KCNB2: variants seen among roughly 807,000 people sequenced by gnomAD.
KCNB2 encodes the protein delayed rectifier potassium channel protein.
Under a neutral mutation model 61.5 loss-of-function variants are expected in KCNB2, and 15 were observed. The observed-to-expected ratio is 0.24, with a 90% confidence interval of 0.16 to 0.38. The LOEUF is 0.38. Ranked by LOEUF, KCNB2 falls within the 10% of genes least tolerant of loss-of-function variation. The pLI, the probability that KCNB2 is intolerant of heterozygous loss-of-function variation, is 1.00. For missense variants in KCNB2, 828 were observed against 1,125.2 expected (o/e 0.74, Z 3.78); for synonymous variants, 457 against 446.0 (o/e 1.02, Z -0.31).
At chr8:72,679,005 T>C in intron 2 of KCNB2, among the ~76,000 whole-genome samples, 1 of 152,116 alleles carries the variant, frequency 6.6e-6, no homozygotes, top group South Asian at 2.1e-4. Flanking sequence ...TCTAGATGAG[T>C]GCCCATCACA....
chr8:72,728,943 CAA>C lies in KCNB2; in HGVS notation c.579+160631_579+160632del, dbSNP rs1226243086. Among the ~76,000 whole-genome samples, 60 of 152,292 alleles carry C rather than the reference CAA, an allele frequency of 3.9e-4. 1 individual carries two copies. The highest frequency in any genetic ancestry group is 3.3e-3 in the Admixed American group (51 of 15,298). On this transcript the variant is annotated intron_variant, in intron 2 of 2. Transcript: ENST00000523207. ...AACTTTAGTGTTAGGAAACTATAAACAAGAGTACAACGTTAAAGACTGGGTTT... is the reference window on the plus strand; with the variant it reads ...AACTTTAGTGTTAGGAAACTATAAACGAGTACAACGTTAAAGACTGGGTTT...
At chr8:72,550,646 T>C (rs1021652218) in intron 1 of KCNB2, among the ~76,000 whole-genome samples, 13 of 152,222 alleles carry the variant, frequency 8.5e-5, no homozygotes, top group African/African-American at 3.1e-4. Context: ...GTCACCTAGT[T>C]ATTTTTTGCA....
At chr8:72,556,685 T>C (rs1307926301) in intron 1 of KCNB2, among the ~76,000 whole-genome samples, 1 of 152,138 alleles carries the variant, frequency 6.6e-6, no homozygotes, top group African/African-American at 2.4e-5. Flanking sequence ...TTTTCATGCT[T>C]GAATCTAGAA....
chr8:72,617,011 G>A (rs747674542), intron 2 of KCNB2, among the ~76,000 whole-genome samples: 28 of 152,068 alleles, frequency 1.8e-4, no homozygotes, highest in Admixed American at 1.7e-3. Flanking sequence ...TTCACACCTC[G>A]AGCCAGGTGT....
At chr8:72,915,597 G>A (rs1806383284) in intron 2 of KCNB2, among the ~76,000 whole-genome samples, 1 of 152,126 alleles carries the variant, frequency 6.6e-6, no homozygotes, top group South Asian at 2.1e-4. Context: ...GTGGAAAAAT[G>A]AAATAAAGGC....
chr8:72,570,242 C>T (rs1354558118), intron 2 of KCNB2, among the ~76,000 whole-genome samples: 3 of 152,092 alleles, frequency 2.0e-5, no homozygotes, highest in Non-Finnish European at 2.9e-5. Context: ...AAACTCTACC[C>T]AGCAGCCAAA....
chr8:72,747,045 C>T (rs1043135020), intron 2 of KCNB2, among the ~76,000 whole-genome samples: 2 of 152,016 alleles, frequency 1.3e-5, no homozygotes, highest in Non-Finnish European at 1.5e-5. Context: ...GAAAGACAAC[C>T]GACATGGAAA....
At chr8:72,601,494 C>T (rs1805351981) in intron 2 of KCNB2, among the ~76,000 whole-genome samples, 1 of 152,128 alleles carries the variant, frequency 6.6e-6, no homozygotes, top group Non-Finnish European at 1.5e-5. Flanking sequence ...ATTAGAAGTT[C>T]TGGTTACAAA....
intron 2 of KCNB2, among the ~76,000 whole-genome samples, chr8:72,590,264 C>G (rs1322105928): frequency 6.6e-6 from 1 of 152,144 alleles, no homozygotes; most frequent in Non-Finnish European, 1.5e-5. Flanking sequence ...CATCTACCTG[C>G]TTTGTAATTG....
At chr8:72,904,866 T>G (rs1239088559) in intron 2 of KCNB2, among the ~76,000 whole-genome samples, 4 of 152,004 alleles carry the variant, frequency 2.6e-5, no homozygotes, top group African/African-American at 9.7e-5. Context: ...TCTTCCCTTC[T>G]TCCCTCCATC....
At chr8:72,777,167 A>G (rs1171903948) in intron 2 of KCNB2, among the ~76,000 whole-genome samples, 5 of 152,186 alleles carry the variant, frequency 3.3e-5, no homozygotes, top group Admixed American at 1.3e-4. Context: ...TGATATACCA[A>G]TGAATCAAGT....
chr8:72,831,153 T>A (rs980058924), intron 2 of KCNB2, among the ~76,000 whole-genome samples: 3 of 152,212 alleles, frequency 2.0e-5, no homozygotes, highest in African/African-American at 7.2e-5. Flanking sequence ...AGCCACAGGC[T>A]TAGGCTGCGG....
chr8:72,867,052 C>G (rs1222589948), intron 2 of KCNB2, among the ~76,000 whole-genome samples: 2 of 152,192 alleles, frequency 1.3e-5, no homozygotes, highest in African/African-American at 4.8e-5. Context: ...AAATCCCAAA[C>G]TATATCTTGC....
chr8:72,799,878 A>T (rs1440953045), intron 2 of KCNB2, among the ~76,000 whole-genome samples: 1 of 152,020 alleles, frequency 6.6e-6, no homozygotes. Flanking sequence ...AGGATAAGAG[A>T]TTTTCAGTCC....
Position 72,896,202 on chromosome 8 carries a change from C to T in KCNB2, c.580-39733C>T, listed in dbSNP as rs1013282577. ...CTTAACTCTAATGACAAGTTTCAGCCAGTCCCTCTTCCAGAAAGTCCACAA... is the reference window on the plus strand; with the variant it reads ...CTTAACTCTAATGACAAGTTTCAGCTAGTCCCTCTTCCAGAAAGTCCACAA... On this transcript the variant is annotated intron_variant, in intron 2 of 2. Coordinates refer to ENST00000523207, the MANE Select transcript of KCNB2 (RefSeq NM_004770.3). Among the ~76,000 whole-genome samples, 7 of 152,232 alleles carry T rather than the reference C, an allele frequency of 4.6e-5. No homozygotes were observed. The South Asian group carries it at 1.2e-3, about 27-fold the overall frequency.
intron 2 of KCNB2, among the ~76,000 whole-genome samples, chr8:72,606,492 T>C (rs1157032395): frequency 6.6e-6 from 1 of 152,230 alleles, no homozygotes; most frequent in Non-Finnish European, 1.5e-5. Flanking sequence ...ATTTTATTGT[T>C]ATTAACATTT....
chr8:72,903,829 T>G (rs1240487693), intron 2 of KCNB2, among the ~76,000 whole-genome samples: 1 of 152,166 alleles, frequency 6.6e-6, no homozygotes, highest in Non-Finnish European at 1.5e-5. Context: ...TACCTAGGTT[T>G]TAGAAGGAAA....
At chr8:72,720,181 A>G (rs1316778915) in intron 2 of KCNB2, among the ~76,000 whole-genome samples, 1 of 152,174 alleles carries the variant, frequency 6.6e-6, no homozygotes, top group African/African-American at 2.4e-5. Context: ...CTAAGTCCCG[A>G]TCTCTCAAGG....
intron 2 of KCNB2, among the ~76,000 whole-genome samples, chr8:72,607,794 G>A (rs1805476365): frequency 6.6e-6 from 1 of 151,948 alleles, no homozygotes; most frequent in African/African-American, 2.4e-5. Context: ...TAGGACTAAA[G>A]CAAGTTTGAA....
Sources: allele counts gnomAD v4.1 joint callset (sites outside exome capture counted in the v4.1 genomes callset), GRCh38; gene constraint gnomAD v4.1.1; transcripts MANE v1.5; gene names NCBI Gene and HGNC (gene_info 2026-07-23, HGNC 2026-07-21).